SEL1L3: variants seen among roughly 807,000 people sequenced by gnomAD.
The protein encoded by SEL1L3 is SEL1L family member 3.
SEL1L3 carries 76 observed loss-of-function variants against 142.8 expected under a neutral mutation model. The ratio of observed to expected loss-of-function variants is 0.53; its 90% confidence interval spans 0.44 to 0.64. The LOEUF (loss-of-function observed/expected upper bound fraction) is 0.64, where lower values mean the gene tolerates loss of function less well. Among genes scored for constraint, SEL1L3 ranks in the 30% least tolerant of loss-of-function variants. SEL1L3 has a pLI of 0.00. For synonymous variants in SEL1L3, 504 were observed against 519.6 expected (o/e 0.97, Z 0.41); for missense variants, 1,262 against 1,381.7 (o/e 0.91, Z 1.37).
chr4:25,861,589 A>G (rs1337064926), intron 1 of SEL1L3, among the ~76,000 whole-genome samples: 3 of 151,354 alleles, frequency 2.0e-5, no homozygotes, highest in African/African-American at 7.3e-5. Context: ...AATAATGACA[A>G]TGCCACATAA....
At chr4:25,831,604 C>T (rs1418824122) in intron 5 of SEL1L3, among the ~76,000 whole-genome samples, 1 of 151,192 alleles carries the variant, frequency 6.6e-6, no homozygotes, top group South Asian at 2.1e-4. Flanking sequence ...TAGCTCACTG[C>T]AACCTCCGCC....
chr4:25,821,496 A>C (rs2109260666), intron 7 of SEL1L3, among the ~76,000 whole-genome samples: 1 of 152,358 alleles, frequency 6.6e-6, no homozygotes, highest in East Asian at 1.9e-4. Flanking sequence ...GGCACTGTGC[A>C]GAGGATTCAG....
chr4:25,783,121 TAC>T (rs1711546999), intron 14 of SEL1L3, among the ~76,000 whole-genome samples: 1 of 152,240 alleles, frequency 6.6e-6, no homozygotes, highest in South Asian at 2.1e-4. Flanking sequence ...CTAGGATGGC[TAC>T]AGAGATGCAA....
chr4:25,718,603 G>T, the SEL1L3 span: 2 of 152,070 alleles, frequency 1.3e-5, no homozygotes. Context: ...CGTGATTTTC[G>T]ATCAGTTTAT....
intron 13 of SEL1L3, among the ~76,000 whole-genome samples, chr4:25,786,759 G>T (rs906637236): frequency 6.6e-6 from 1 of 152,196 alleles, no homozygotes; most frequent in African/African-American, 2.4e-5. Context: ...ACACATGAAT[G>T]CATTCACATA....
chr4:25,850,579 TAGG>T (rs1716811639), intron 1 of SEL1L3, among the ~76,000 whole-genome samples: 1 of 152,178 alleles, frequency 6.6e-6, no homozygotes, highest in African/African-American at 2.4e-5. Flanking sequence ...ATTTCACTAC[TAGG>T]AGTTTAACCT....
intron 14 of SEL1L3, 52 bp downstream of exon 14, chr4:25,784,176 G>A (rs1298066037): frequency 1.0e-5 from 14 of 1,362,254 alleles, no homozygotes; most frequent in Non-Finnish European, 1.3e-5. Context: ...GTGCGAGAGC[G>A]TGTGGGAGTG....
chr4:25,779,024 A>G (rs1719823403), intron 16 of SEL1L3, 52 bp downstream of exon 16: 1 of 1,537,784 alleles, frequency 6.5e-7, no homozygotes, highest in African/African-American at 1.4e-5. Context: ...TCAGGCACAG[A>G]GAATATAGGA....
At chr4:25,766,586 T>A (rs1718752729) in intron 19 of SEL1L3, among the ~76,000 whole-genome samples, 2 of 151,856 alleles carry the variant, frequency 1.3e-5, no homozygotes, top group African/African-American at 4.8e-5. Flanking sequence ...TGGAAAACAA[T>A]AGGCAGCCCA....
chr4:25,775,751 G>A, intron 17 of SEL1L3, among the ~76,000 whole-genome samples: 1 of 152,192 alleles, frequency 6.6e-6, no homozygotes, highest in East Asian at 1.9e-4. Flanking sequence ...CAGAAGGTTA[G>A]GAAGGAGGGC....
chr4:25,758,684 T>TTTTTC (rs1337758394), intron 21 of SEL1L3, among the ~76,000 whole-genome samples: 1 of 151,694 alleles, frequency 6.6e-6, no homozygotes, highest in African/African-American at 2.4e-5. Context: ...CTTTTTTTTT[T>TTTTTC]TTTTCTTTTA....
At chr4:25,736,708 A>AT in the SEL1L3 span, among the ~76,000 whole-genome samples, 1 of 152,126 alleles carries the variant, frequency 6.6e-6, no homozygotes, top group Non-Finnish European at 1.5e-5. Flanking sequence ...TAAACCTACC[A>AT]TTTTTTTAAG....
chr4:25,824,700 G>A (rs184192774), intron 6 of SEL1L3, among the ~76,000 whole-genome samples: 3 of 152,268 alleles, frequency 2.0e-5, no homozygotes, highest in Non-Finnish European at 4.4e-5. Flanking sequence ...AGGCCGAGGT[G>A]GGGGGATCAC....
chr4:25,843,934 A>G (rs1716339635), intron 2 of SEL1L3, among the ~76,000 whole-genome samples: 1 of 152,236 alleles, frequency 6.6e-6, no homozygotes, highest in African/African-American at 2.4e-5. Context: ...CCCTCCAAGC[A>G]CACTTCCAGA....
rs6843334 is a variant in SEL1L3, at chr4:25,798,092, G to T, written c.1956+4191C>A. Among the ~76,000 whole-genome samples, 9 of 152,258 alleles carry T rather than the reference G, an allele frequency of 5.9e-5. No homozygotes were observed. In the South Asian group the frequency reaches 8.3e-4, roughly 14 times the overall value. On this transcript the variant is annotated intron_variant, in intron 11 of 23. Transcript: ENST00000399878. Reference sequence around the variant, plus strand: ...GGCCTGGCCAAAAGTTTGGTGTTGCGAGTTTGGTTGGGGAGGTAGCAAGGA... The same window carrying T: ...GGCCTGGCCAAAAGTTTGGTGTTGCTAGTTTGGTTGGGGAGGTAGCAAGGA...
chr4:25,846,518 G>A (rs995489307), intron 2 of SEL1L3, among the ~76,000 whole-genome samples: 24 of 152,146 alleles, frequency 1.6e-4, no homozygotes, highest in African/African-American at 5.6e-4. Flanking sequence ...CAGGAATCAG[G>A]CCCAGCCAGA....
chr4:25,782,173 G>T, intron 15 of SEL1L3, 69 bp downstream of exon 15: 1 of 1,417,524 alleles, frequency 7.1e-7, no homozygotes, highest in Non-Finnish European at 9.9e-7. Flanking sequence ...TGCACACAGT[G>T]TACCTTCAAC....
intron 6 of SEL1L3, among the ~76,000 whole-genome samples, chr4:25,829,439 C>G (rs1008426523): frequency 6.6e-6 from 1 of 152,190 alleles, no homozygotes; most frequent in Non-Finnish European, 1.5e-5. Context: ...ATCATTGGGT[C>G]AGAGACCACC....
intron 5 of SEL1L3, 144 bp downstream of exon 5, chr4:25,832,851 A>T: frequency 1.7e-6 from 1 of 594,358 alleles, no homozygotes; most frequent in African/African-American, 1.9e-5. Context: ...TGAAAGTTTG[A>T]TTTAGCAAGC....
Sources: gnomAD v4.1 joint callset for allele counts (sites outside exome capture counted in the v4.1 genomes callset) on GRCh38, gnomAD v4.1.1 for gene constraint, MANE v1.5 for transcripts, NCBI Gene and HGNC (gene_info 2026-07-23, HGNC 2026-07-21) for gene names.